Variants in FGF13 observed in about 807,000 individuals in gnomAD.
The protein encoded by FGF13 is fibroblast growth factor homologous factor 2.
A neutral mutation model predicts 19.5 loss-of-function variants in FGF13; 2 were observed. The observed-to-expected ratio is 0.10, with a 90% CI of 0.04 to 0.32. The LOEUF is 0.32. Among genes scored for constraint, FGF13 ranks in the 10% least tolerant of loss-of-function variants. The pLI is 1.00. For synonymous variants in FGF13, 72 were observed against 76.9 expected (o/e 0.94, Z 0.33); for missense variants, 113 against 192.7 (o/e 0.59, Z 2.45).
At chrX:139,188,351 G>A (rs961141929) in intron 1 of FGF13, among the ~76,000 whole-genome samples, 2 of 112,342 alleles carry the variant, frequency 1.8e-5, no homozygotes, top group African/African-American at 6.5e-5. Context: ...TAAGGATTGA[G>A]GGCGTTTATT....
intron 1 of FGF13, among the ~76,000 whole-genome samples, chrX:138,980,328 T>C (rs374968956): frequency 9.0e-6 from 1 of 111,445 alleles, no homozygotes; most frequent in East Asian, 2.8e-4. Context: ...AGAATTTGTA[T>C]TACTGGATTC....
chrX:138,921,732 A>G (rs1351906927), intron 1 of FGF13, among the ~76,000 whole-genome samples: 1 of 111,050 alleles, frequency 9.0e-6, no homozygotes, highest in Non-Finnish European at 1.9e-5. Context: ...ACTTGACTGC[A>G]TTTCAAGGAC....
intron 2 of FGF13, among the ~76,000 whole-genome samples, chrX:138,859,537 T>C (rs1036650162): frequency 1.4e-4 from 16 of 112,573 alleles, no homozygotes; most frequent in Non-Finnish European, 2.6e-4. Context: ...TCCATTTTCA[T>C]TGCTCAGTAC....
chrX:138,979,256 A>C (rs1191948141), intron 1 of FGF13, among the ~76,000 whole-genome samples: 1 of 112,094 alleles, frequency 8.9e-6, no homozygotes, highest in Non-Finnish European at 1.9e-5. Flanking sequence ...GAAGCACATT[A>C]GTTGGGAAAT....
chrX:139,156,122 G>T (rs1313810109), intron 1 of FGF13, among the ~76,000 whole-genome samples: 4 of 112,122 alleles, frequency 3.6e-5, no homozygotes, highest in African/African-American at 1.3e-4. Context: ...ACAAAATGAT[G>T]AACATAAAAT....
chrX:139,085,226 G>T (rs1340520827), intron 1 of FGF13, among the ~76,000 whole-genome samples: 1 of 111,671 alleles, frequency 9.0e-6, no homozygotes, highest in Non-Finnish European at 1.9e-5. Context: ...AAAAGGACTT[G>T]TCATACACTA....
chrX:138,921,985 A>AAAC (rs2091648114), intron 1 of FGF13, among the ~76,000 whole-genome samples: 1 of 107,649 alleles, frequency 9.3e-6, no homozygotes, highest in South Asian at 4.1e-4. Context: ...AAAAAAAAAA[A>AAAC]AAACAACAAA....
At chrX:138,909,661 A>T in intron 1 of FGF13, among the ~76,000 whole-genome samples, 1 of 111,991 alleles carries the variant, frequency 8.9e-6, no homozygotes, top group Middle Eastern at 4.6e-3. Context: ...GAGCAGCGGG[A>T]TTACTAATTA....
At chrX:138,908,610 A>T (rs1217863908) in intron 1 of FGF13, among the ~76,000 whole-genome samples, 3 of 110,880 alleles carry the variant, frequency 2.7e-5, no homozygotes, top group Non-Finnish European at 5.7e-5. Context: ...TGAAGTTTTT[A>T]AAAATTATAT....
At chrX:138,633,798 A>G (rs772172235) in intron 4 of FGF13, among the ~76,000 whole-genome samples, 37 of 111,894 alleles carry the variant, frequency 3.3e-4, no homozygotes, top group African/African-American at 1.2e-3. Flanking sequence ...ACAGGTAAAT[A>G]ACCTGTTCAA....
chrX:138,798,208 T>C (rs1226338847), intron 3 of FGF13, among the ~76,000 whole-genome samples: 1 of 111,757 alleles, frequency 8.9e-6, no homozygotes, highest in African/African-American at 3.3e-5. Context: ...TTGTCATAAA[T>C]AGCCCTTATT....
At chrX:138,669,952 T>C (rs754551418) in intron 3 of FGF13, among the ~76,000 whole-genome samples, 2 of 111,656 alleles carry the variant, frequency 1.8e-5, no homozygotes, top group Non-Finnish European at 3.8e-5. Context: ...GGGTGGGAAG[T>C]TCTACATGCA....
intron 1 of FGF13, among the ~76,000 whole-genome samples, chrX:139,055,994 T>C (rs909657893): frequency 1.8e-5 from 2 of 112,213 alleles, no homozygotes; most frequent in Non-Finnish European, 3.8e-5. Context: ...ATAATACATA[T>C]TTTTCATGAA....
chrX:138,892,369 C>A (rs1228785860), intron 1 of FGF13, among the ~76,000 whole-genome samples: 1 of 111,405 alleles, frequency 9.0e-6, no homozygotes, highest in Non-Finnish European at 1.9e-5. Flanking sequence ...TGACACAAAG[C>A]AAACAATTCA....
intron 1 of FGF13, among the ~76,000 whole-genome samples, chrX:139,090,941 CA>C (rs1181771963): frequency 0.048 from 1,570 of 32,690 alleles, 21 homozygotes; most frequent in Admixed American, 0.069. Context: ...GACCCTGTCT[CA>C]AAAAAAAAAA....
chrX:139,011,613 A>G (rs927015681), intron 1 of FGF13, among the ~76,000 whole-genome samples: 3 of 111,823 alleles, frequency 2.7e-5, no homozygotes, highest in African/African-American at 9.8e-5. Context: ...ATAGATGCAG[A>G]AAAAGCATTT....
chrX:138,692,727 T>C (rs777040357), intron 3 of FGF13, among the ~76,000 whole-genome samples: 1 of 111,443 alleles, frequency 9.0e-6, no homozygotes, highest in East Asian at 2.8e-4. Context: ...TGTATGTGTG[T>C]GTGTGTGTGT....
intron 3 of FGF13, among the ~76,000 whole-genome samples, chrX:138,803,036 C>A (rs981350229): frequency 8.0e-5 from 9 of 111,861 alleles, no homozygotes; most frequent in Non-Finnish European, 1.5e-4. Context: ...TCTCTCTGAG[C>A]CACACATCCA....
intron 3 of FGF13, among the ~76,000 whole-genome samples, chrX:138,646,803 C>T (rs1271573255): frequency 1.8e-5 from 2 of 111,300 alleles, no homozygotes; most frequent in African/African-American, 3.3e-5. Flanking sequence ...TAGTCAGATT[C>T]GTGTGTGTGT....
Sources: allele counts gnomAD v4.1 joint callset (sites outside exome capture counted in the v4.1 genomes callset), GRCh38; gene constraint gnomAD v4.1.1; transcripts MANE v1.5; gene names NCBI Gene and HGNC (gene_info 2026-07-23, HGNC 2026-07-21).